STON1: variants seen among roughly 807,000 people sequenced by gnomAD.
STON1 encodes stonin 1.
Under a neutral mutation model 60.9 loss-of-function variants are expected in STON1, and 79 were observed. The ratio of observed to expected loss-of-function variants is 1.30; its 90% CI spans 1.08 to 1.56. The LOEUF is 1.56. Among genes scored for constraint, STON1 ranks in the 40% most tolerant of loss-of-function variants. The probability of loss-of-function intolerance (pLI) is 0.00; values close to 1 mark genes in which losing one functional copy is unlikely to be tolerated. For synonymous variants in STON1, 363 were observed against 306.9 expected, an observed-to-expected ratio of 1.18 and a Z score of -1.91; for missense variants, 1,166 against 858.9, an observed-to-expected ratio of 1.36 and a Z score of -4.47.
At position 48,581,378 on chromosome 2, in the gene STON1, T is replaced by C; in HGVS notation, c.745T>C (p.Ser249Pro). The change falls in exon 2 of 4, where the codon TCT becomes CCT. Residue 249 changes from serine to proline, a missense_variant. Coordinates refer to ENST00000404752, the MANE Select transcript of STON1 (RefSeq NM_006873.4). ...AENQDSLRSL[S>P]MHCLCAEENA... ...GAACCAAGACTCACTTAGAAGTTTG[T>C]CTATGCACTGTCTATGTGCTGAAGA... 2.5e-6 allele frequency: 4 copies of C among 1,592,088 alleles called. No individual in the cohort carries two copies. Among genetic ancestry groups the C allele is most frequent in the Non-Finnish European group, 2.6e-6 (3 of 1,168,892 alleles).
At chr2:48,567,920 G>C (rs190376241) in intron 1 of STON1, among the ~76,000 whole-genome samples, 2 of 143,430 alleles carry the variant, frequency 1.4e-5, no homozygotes, top group Non-Finnish European at 3.0e-5. Context: ...TGCTCTTGAG[G>C]AGTCTGGCGC....
At chr2:48,531,078 TA>T (rs1404487722) in intron 1 of STON1, 1 of 152,250 alleles carries the variant, frequency 6.6e-6, no homozygotes, top group East Asian at 1.9e-4. Context: ...GAATGCTTGC[TA>T]AAAATACTCA....
At chr2:48,560,704 C>T (rs1223925945) in intron 1 of STON1, among the ~76,000 whole-genome samples, 1 of 152,208 alleles carries the variant, frequency 6.6e-6, no homozygotes, top group East Asian at 1.9e-4. Context: ...AACAACACAG[C>T]TCCACAGCTG....
In STON1 at chr2:48,581,857, G is replaced by T; in HGVS notation, c.1224G>T (p.Lys408Asn). 1 of 1,614,126 alleles carries T rather than the reference G, an allele frequency of 6.2e-7. No individual in the cohort carries two copies. The highest frequency in any genetic ancestry group is 2.2e-5 in the East Asian group (1 of 44,880). ...MKLPAVSKPK[K>N]NYEEQEISLE... Reference sequence around the variant, plus strand: ...TGCCAGCTGTTTCAAAACCAAAAAAGAACTACGAGGAGCAAGAAATTTCCT... The same window carrying T: ...TGCCAGCTGTTTCAAAACCAAAAAATAACTACGAGGAGCAAGAAATTTCCT... The change falls in exon 2 of 4, where the codon AAG becomes AAT. Residue 408 changes from lysine to asparagine, a missense_variant. Transcript: ENST00000404752.
At chr2:48,543,332 T>C (rs1299282391) in intron 1 of STON1, among the ~76,000 whole-genome samples, 2 of 152,018 alleles carry the variant, frequency 1.3e-5, no homozygotes, top group Non-Finnish European at 2.9e-5. Context: ...TTCCTGAAAC[T>C]TTTTGGACAG....
At chr2:48,537,395 G>C (rs1433123431) in intron 1 of STON1, among the ~76,000 whole-genome samples, 1 of 151,720 alleles carries the variant, frequency 6.6e-6, no homozygotes, top group Admixed American at 6.6e-5. Flanking sequence ...ATTTTTTCTT[G>C]ATATTACATT....
At chr2:48,549,684 C>T (rs1352816136) in intron 1 of STON1, among the ~76,000 whole-genome samples, 1 of 151,834 alleles carries the variant, frequency 6.6e-6, no homozygotes, top group Admixed American at 6.6e-5. Context: ...TGGTGATGGG[C>T]TCCTGTAATC....
At chr2:48,558,507 C>T (rs983395661) in intron 1 of STON1, among the ~76,000 whole-genome samples, 2 of 152,204 alleles carry the variant, frequency 1.3e-5, no homozygotes, top group African/African-American at 4.8e-5. Flanking sequence ...AATCTCTGCT[C>T]AGTGGCTTGT....
chr2:48,589,018 T>TG (rs1674367083), intron 2 of STON1, among the ~76,000 whole-genome samples: 2 of 152,182 alleles, frequency 1.3e-5, no homozygotes, highest in Admixed American at 1.3e-4. Flanking sequence ...CAAATGAGGA[T>TG]GCTGGTTAGC....
chr2:48,534,340 G>A (rs532264167), intron 1 of STON1, among the ~76,000 whole-genome samples: 168 of 152,206 alleles, frequency 1.1e-3, no homozygotes, highest in Non-Finnish European at 1.7e-3. Context: ...TCAGAAACTA[G>A]AACCAGAAGG....
chr2:48,565,450 G>C (rs187824356), intron 1 of STON1, among the ~76,000 whole-genome samples: 5 of 152,184 alleles, frequency 3.3e-5, no homozygotes, highest in Admixed American at 1.3e-4. Context: ...CATCACATTG[G>C]GATTCAGGTT....
chr2:48,587,279 A>G (rs1362979030), intron 2 of STON1, among the ~76,000 whole-genome samples: 1 of 145,024 alleles, frequency 6.9e-6, no homozygotes, highest in Non-Finnish European at 1.5e-5. Flanking sequence ...TTGCTCTCCC[A>G]TGAGTATTTA....
rs554076170 is a variant in STON1, at chr2:48,553,362, T to A, written c.-48+23146T>A. Among the ~76,000 whole-genome samples, 6 of 150,592 alleles carry A rather than the reference T, an allele frequency of 4.0e-5. No individual in the cohort carries two copies. The South Asian group carries it at 1.3e-3, about 32-fold the overall frequency. On this transcript the variant is annotated intron_variant, in intron 1 of 3. Transcript: ENST00000404752. The stretch of plus-strand genomic sequence containing the variant: ...CCTCTCTGTAGACCCTTCCCTTCCC[T>A]TCTCTTCCCTTCCCTTCCCTTCCCT...
chr2:48,577,172 T>G (rs1047919927), intron 1 of STON1, among the ~76,000 whole-genome samples: 6 of 152,240 alleles, frequency 3.9e-5, no homozygotes, highest in Non-Finnish European at 7.3e-5. Context: ...CTTTTAAGTT[T>G]AATGGTGTCT....
At position 48,582,553 on chromosome 2, in the gene STON1, C is replaced by T. The variant is rs982893349; in HGVS notation, c.1920C>T (p.Asp640=). 1 of 1,604,984 alleles carries T rather than the reference C, an allele frequency of 6.2e-7. No homozygotes were observed. Among genetic ancestry groups the T allele is most frequent in the African/African-American group, 1.3e-5 (1 of 74,390 alleles). Residue 640 remains aspartate, a synonymous_variant, in exon 2 of 4, where the codon GAC becomes GAT. Transcript: ENST00000404752. ...AVVWKIDRLP[D]KNSSLDHPHC... ...TATGGAAGATAGATCGGCTTCCAGA[C>T]AAAAATTCAAGTAAATATTCAACAC... is the stretch of plus-strand genomic sequence containing the variant.
At position 48,582,524 on chromosome 2, in the gene STON1, G is replaced by C. The variant is rs1321548059; in HGVS notation, c.1891G>C (p.Val631Leu). 2.5e-6 allele frequency: 4 copies of C among 1,613,936 alleles called. No homozygotes were observed. Among genetic ancestry groups the C allele is most frequent in the Non-Finnish European group, 1.7e-6 (2 of 1,179,984 alleles). Residue 631 changes from valine to leucine, a missense_variant, in exon 2 of 4, where the codon GTG (valine) becomes CTG (leucine). Val to Leu is a conservative substitution (Grantham distance 32). Transcript: ENST00000404752. ...SAKYESAYQA[V>L]VWKIDRLPDK... is the part of the protein sequence containing the mutation. ...AAAATATGAGAGTGCCTACCAGGCAGTGGTATGGAAGATAGATCGGCTTCC... is the reference window on the plus strand; with the variant it reads ...AAAATATGAGAGTGCCTACCAGGCACTGGTATGGAAGATAGATCGGCTTCC...
Position 48,579,140 on chromosome 2 carries a change from A to T in STON1, c.-47-1447A>T, listed in dbSNP as rs544627134. 1.5e-4 allele frequency among the ~76,000 whole-genome samples: 23 copies of T among 151,190 alleles called. No homozygotes were observed. The East Asian group carries it at 4.5e-3, about 30-fold the overall frequency. On this transcript the variant is annotated intron_variant, in intron 1 of 3. Transcript: ENST00000404752. ...TGCCTCAGCCTCCTGAGTAGCTGGG[A>T]TTACAAGTGTGTGCCACCATGCCCA...
intron 1 of STON1, among the ~76,000 whole-genome samples, chr2:48,552,506 T>C (rs1239515710): frequency 3.3e-5 from 5 of 152,136 alleles, no homozygotes. Context: ...CTCATGCCTG[T>C]AATCCCAGCA....
chr2:48,544,521 T>A (rs1385918089), intron 1 of STON1, among the ~76,000 whole-genome samples: 1 of 151,990 alleles, frequency 6.6e-6, no homozygotes, highest in Non-Finnish European at 1.5e-5. Context: ...AGGCCATAAG[T>A]TTTTTTGGTT....
Sources: allele counts gnomAD v4.1 joint callset (sites outside exome capture counted in the v4.1 genomes callset), GRCh38; gene constraint gnomAD v4.1.1; transcripts MANE v1.5; gene names NCBI Gene and HGNC (gene_info 2026-07-23, HGNC 2026-07-21).